CSAD: variants seen among roughly 807,000 people sequenced by gnomAD.
CSAD encodes P-selectin cytoplasmic tail-associated protein.
In CSAD, 47 loss-of-function variants were observed where a neutral mutation model predicts 61.5. The ratio of observed to expected loss-of-function variants is 0.76; its 90% confidence interval spans 0.60 to 0.97. The LOEUF is 0.97. CSAD is among the 50% of genes least tolerant of loss of function. The pLI is 0.00. For synonymous variants in CSAD, 245 were observed against 252.7 expected (o/e 0.97, Z 0.29); for missense variants, 611 against 643.6 (o/e 0.95, Z 0.55).
At chr12:53,169,500 T>G (rs79994092) in intron 10 of CSAD, among the ~76,000 whole-genome samples, 1 of 151,334 alleles carries the variant, frequency 6.6e-6, no homozygotes, top group East Asian at 1.9e-4. Context: ...AAAAAATTTT[T>G]ACATTTATAT....
intron 10 of CSAD, among the ~76,000 whole-genome samples, chr12:53,169,511 T>G (rs976583475): frequency 6.6e-6 from 1 of 151,448 alleles, no homozygotes; most frequent in African/African-American, 2.4e-5. Context: ...ACATTTATAT[T>G]TATTTATTTA....
Position 53,168,706 on chromosome 12 carries a change from T to G in CSAD, c.702+1366A>C, listed in dbSNP as rs189387664. On this transcript the variant is annotated intron_variant, in intron 10 of 16. Coordinates refer to ENST00000444623, the MANE Select transcript of CSAD (RefSeq NM_001244705.2). ...CAACAATACCAGTAGCTTGTATTTA[T>G]ACAGTGCATCTATGTGCCAGGAACT... Among the ~76,000 whole-genome samples, 27 of 152,346 alleles carry G rather than the reference T, an allele frequency of 1.8e-4. No individual in the cohort carries two copies. In the East Asian group the frequency reaches 4.4e-3, roughly 25 times the overall value.
chr12:53,170,235 G>T, intron 9 of CSAD, 109 bp from the exon 10 acceptor site: 1 of 1,119,348 alleles, frequency 8.9e-7, no homozygotes, highest in Non-Finnish European at 1.3e-6. Context: ...CCCTCAGGGG[G>T]TGAAACAGAT....
chr12:53,172,496 T>C, intron 5 of CSAD, 26 bp downstream of exon 5: 1 of 1,613,880 alleles, frequency 6.2e-7, no homozygotes, highest in Non-Finnish European at 8.5e-7. Context: ...CTCCCAAGTC[T>C]CCTCCTCACA....
At chr12:53,160,666 G>A in intron 13 of CSAD, 97 bp downstream of exon 13, 2 of 1,070,366 alleles carry the variant, frequency 1.9e-6, no homozygotes, top group Non-Finnish European at 2.8e-6. Flanking sequence ...GGATGGTAAA[G>A]AGAATAGAGA....
At chr12:53,167,504 A>G (rs932930415) in intron 10 of CSAD, among the ~76,000 whole-genome samples, 2 of 152,236 alleles carry the variant, frequency 1.3e-5, no homozygotes, top group Non-Finnish European at 2.9e-5. Flanking sequence ...GCATTTTTAC[A>G]TATATTTATG....
intron 16 of CSAD, 68 bp downstream of exon 16, chr12:53,159,555 C>T: frequency 1.5e-6 from 2 of 1,369,760 alleles, no homozygotes; most frequent in Non-Finnish European, 2.0e-6. Flanking sequence ...TCCCAGCCAA[C>T]AGGGGGCAGA....
intron 1 of CSAD, 146 bp downstream of exon 1, chr12:53,180,586 C>G: frequency 7.8e-7 from 1 of 1,284,894 alleles, no homozygotes; most frequent in Non-Finnish European, 1.0e-6. Context: ...CCTCTCCGTG[C>G]GTCCCCAAGC....
At chr12:53,172,690 T>C (rs756328794) in intron 4 of CSAD, 42 bp from the exon 5 acceptor site, 65 of 1,572,170 alleles carry the variant, frequency 4.1e-5, no homozygotes, top group Non-Finnish European at 5.4e-5. Context: ...GGGATGCCTG[T>C]GGACTGGCTG....
intron 2 of CSAD, chr12:53,178,485 C>T (rs1475435961): frequency 2.5e-6 from 1 of 405,318 alleles, no homozygotes; most frequent in East Asian, 7.4e-5. Flanking sequence ...GACCAAGACC[C>T]TATCTTTAAA....
intron 10 of CSAD, among the ~76,000 whole-genome samples, chr12:53,163,967 T>C (rs1017277731): frequency 1.3e-5 from 2 of 152,228 alleles, no homozygotes; most frequent in Non-Finnish European, 2.9e-5. Context: ...TACAGTCAAG[T>C]GATTTACAAC....
intron 16 of CSAD, 69 bp from the exon 17 acceptor site, chr12:53,158,753 C>A: frequency 6.8e-7 from 1 of 1,477,940 alleles, no homozygotes. Context: ...GCTTCTTGTC[C>A]TGCCAGGCTT....
At chr12:53,174,795 A>T (rs1000441325) in intron 2 of CSAD, among the ~76,000 whole-genome samples, 5 of 151,384 alleles carry the variant, frequency 3.3e-5, no homozygotes, top group Non-Finnish European at 5.9e-5. Context: ...CCATTTCAAA[A>T]ATATATATAT....
intron 14 of CSAD, 72 bp from the exon 15 acceptor site, chr12:53,160,010 A>C (rs1592301037): frequency 3.8e-6 from 6 of 1,598,158 alleles, no homozygotes; most frequent in Non-Finnish European, 5.1e-6. Context: ...GCCCACGTAG[A>C]ATGAGCCACA....
intron 7 of CSAD, 81 bp from the exon 8 acceptor site, chr12:53,171,522 A>G (rs1402169210): frequency 7.3e-7 from 1 of 1,376,764 alleles, no homozygotes; most frequent in African/African-American, 1.5e-5. Flanking sequence ...TTTCTACCAG[A>G]AGAGCTCATC....
At chr12:53,175,383 C>G (rs552816090) in intron 2 of CSAD, among the ~76,000 whole-genome samples, 1 of 152,268 alleles carries the variant, frequency 6.6e-6, no homozygotes, top group Non-Finnish European at 1.5e-5. Context: ...ACAAAGGGAT[C>G]TAGGCAATTG....
At position 53,178,049 on chromosome 12, in the gene CSAD, G is replaced by A. The variant is rs539960848; in HGVS notation, c.-50+1053C>T. On this transcript the variant is annotated intron_variant, in intron 2 of 16. Coordinates refer to ENST00000444623, the MANE Select transcript of CSAD (RefSeq NM_001244705.2). ...TTTTTCACCCATTAAACTAGTAACT[G>A]TATAAAAAATTCATAGCATACACTA... 1.1e-3 allele frequency: 208 copies of A among 185,768 alleles called. 1 individual carries two copies. Among genetic ancestry groups the A allele is most frequent in the African/African-American group, 4.7e-3 (199 of 42,040 alleles). 11.5% of individuals were successfully genotyped at this position (185,768 alleles called of 1,614,324 possible).
intron 6 of CSAD, 125 bp downstream of exon 6, chr12:53,172,221 T>G (rs1940670263): frequency 2.1e-6 from 2 of 968,888 alleles, no homozygotes; most frequent in Admixed American, 3.9e-5. Flanking sequence ...AAAAACTCTC[T>G]GCCGACAGGG....
rs757225192 is a variant in CSAD at position 53,158,464 on chromosome 12, C to T, written c.*47G>A. The T allele has an allele frequency of 1.8e-5, 28 of 1,584,460 alleles. No homozygotes were observed. The South Asian group carries it at 2.6e-4, about 15-fold the overall frequency. ...AAGGCTGGGAGGGAATGCAGTGACT[C>T]TGCGGGTGAGGGGTGGTATCAAGGC... On this transcript the variant is annotated 3_prime_UTR_variant, in exon 17 of 17. Coordinates refer to ENST00000444623, the MANE Select transcript of CSAD (RefSeq NM_001244705.2).
Sources: allele counts gnomAD v4.1 joint callset (sites outside exome capture counted in the v4.1 genomes callset), GRCh38; gene constraint gnomAD v4.1.1; transcripts MANE v1.5; gene names NCBI Gene and HGNC (gene_info 2026-07-23, HGNC 2026-07-21).